The following ENTREP1 variants were observed in gnomAD, a reference collection of about 807,000 sequenced individuals.
ENTREP1 encodes the protein endosomal transmembrane epsin interactor 1.
chr9:69,347,819 G>T, the ENTREP1 span, among the ~76,000 whole-genome samples: 4 of 152,064 alleles, frequency 2.6e-5, no homozygotes, highest in Non-Finnish European at 5.9e-5. Flanking sequence ...CTTGTTCAAG[G>T]GACCAGCTAC....
the ENTREP1 span, chr9:69,325,760 C>G: frequency 1.6e-6 from 2 of 1,220,896 alleles, no homozygotes; most frequent in Non-Finnish European, 2.0e-6. Flanking sequence ...GCCCGGTCAT[C>G]CCGGTGATAG....
At chr9:69,368,345 C>T in the ENTREP1 span, among the ~76,000 whole-genome samples, 1 of 151,908 alleles carries the variant, frequency 6.6e-6, no homozygotes, top group Non-Finnish European at 1.5e-5. Context: ...CATTTATGGT[C>T]CTTATTATGT....
chr9:69,357,155 G>A, the ENTREP1 span, among the ~76,000 whole-genome samples: 1 of 151,620 alleles, frequency 6.6e-6, no homozygotes, highest in African/African-American at 2.4e-5. Context: ...GAGACAATGT[G>A]CTAAAAGGAG....
the ENTREP1 span, among the ~76,000 whole-genome samples, chr9:69,345,603 T>A: frequency 5.9e-5 from 9 of 152,234 alleles, no homozygotes; most frequent in African/African-American, 1.7e-4. Context: ...TACTCTTTTT[T>A]AAAAATTTTT....
At chr9:69,362,740 G>A in the ENTREP1 span, among the ~76,000 whole-genome samples, 1 of 152,140 alleles carries the variant, frequency 6.6e-6, no homozygotes, top group Non-Finnish European at 1.5e-5. Flanking sequence ...CCTTTAATCT[G>A]GGTGGGCACC....
At chr9:69,345,308 TG>T in the ENTREP1 span, among the ~76,000 whole-genome samples, 1 of 152,216 alleles carries the variant, frequency 6.6e-6, no homozygotes, top group African/African-American at 2.4e-5. Context: ...ATGGACATTA[TG>T]TGTTAGCAGG....
At chr9:69,349,749 G>C in the ENTREP1 span, among the ~76,000 whole-genome samples, 1 of 152,108 alleles carries the variant, frequency 6.6e-6, no homozygotes, top group Non-Finnish European at 1.5e-5. Context: ...GCTTAGTCAA[G>C]CTTACTTTAA....
the ENTREP1 span, among the ~76,000 whole-genome samples, chr9:69,340,267 T>C: frequency 6.6e-6 from 1 of 152,216 alleles, no homozygotes; most frequent in South Asian, 2.1e-4. Context: ...CAGGCTGTCC[T>C]CGTTTTTAGT....
chr9:69,358,808 AAAG>A, the ENTREP1 span, among the ~76,000 whole-genome samples: 27 of 152,324 alleles, frequency 1.8e-4, no homozygotes, highest in South Asian at 1.0e-3. Context: ...GATAATTTAA[AAAG>A]AAGCATCACA....
the ENTREP1 span, among the ~76,000 whole-genome samples, chr9:69,366,253 G>A: frequency 6.6e-6 from 1 of 152,062 alleles, no homozygotes; most frequent in Non-Finnish European, 1.5e-5. Context: ...TTGTGGTTTT[G>A]ATTTGTATTT....
chr9:69,391,675 C>G, the ENTREP1 span: 3 of 1,614,148 alleles, frequency 1.9e-6, no homozygotes, highest in Non-Finnish European at 2.5e-6. Flanking sequence ...GCCTGCTGCA[C>G]CTCCAGAGCT....
At chr9:69,385,017 G>A in the ENTREP1 span, among the ~76,000 whole-genome samples, 1 of 152,038 alleles carries the variant, frequency 6.6e-6, no homozygotes, top group African/African-American at 2.4e-5. Context: ...CATCTCCTGG[G>A]TGCAAGTGAT....
At chr9:69,352,223 A>G in the ENTREP1 span, among the ~76,000 whole-genome samples, 10 of 152,126 alleles carry the variant, frequency 6.6e-5, no homozygotes, top group Non-Finnish European at 1.5e-4. Flanking sequence ...GGTTCAAGCA[A>G]TTCTCCTGCC....
chr9:69,333,750 T>C, the ENTREP1 span, among the ~76,000 whole-genome samples: 1 of 152,236 alleles, frequency 6.6e-6, no homozygotes, highest in Non-Finnish European at 1.5e-5. Flanking sequence ...TGTGTTTTCC[T>C]TAAGGGCAGT....
chr9:69,359,573 C>T, the ENTREP1 span, among the ~76,000 whole-genome samples: 4 of 152,196 alleles, frequency 2.6e-5, no homozygotes, highest in African/African-American at 2.4e-5. Flanking sequence ...TGCCTTGCTT[C>T]CCCTTCACCT....
At chr9:69,378,278 C>T in the ENTREP1 span, among the ~76,000 whole-genome samples, 4 of 152,122 alleles carry the variant, frequency 2.6e-5, no homozygotes, top group Non-Finnish European at 4.4e-5. Context: ...TCTTCCTAGC[C>T]ATTAAAAAGA....
At chr9:69,351,365 C>T in the ENTREP1 span, among the ~76,000 whole-genome samples, 3 of 150,568 alleles carry the variant, frequency 2.0e-5, no homozygotes, top group Non-Finnish European at 4.4e-5. Flanking sequence ...CTTTCTTCAA[C>T]ACTGAGAAAT....
the ENTREP1 span, among the ~76,000 whole-genome samples, chr9:69,342,425 G>C: frequency 6.6e-6 from 1 of 152,104 alleles, no homozygotes; most frequent in Admixed American, 6.5e-5. Context: ...GGCCAACAGT[G>C]GCTTTTTTGT....
the ENTREP1 span, among the ~76,000 whole-genome samples, chr9:69,359,904 T>C: frequency 6.6e-6 from 1 of 152,018 alleles, no homozygotes; most frequent in Non-Finnish European, 1.5e-5. Context: ...TGAGGAGAGA[T>C]GTATTGAACG....
Sources: allele counts gnomAD v4.1 joint callset (sites outside exome capture counted in the v4.1 genomes callset), GRCh38; gene constraint gnomAD v4.1.1; transcripts MANE v1.5; gene names NCBI Gene and HGNC (gene_info 2026-07-23, HGNC 2026-07-21).